The following CFH variants were observed in gnomAD, a reference collection of about 807,000 sequenced individuals.
CFH encodes the protein complement factor H.
A neutral mutation model predicts 147.3 loss-of-function variants in CFH; 53 were observed. The observed-to-expected ratio is 0.36, with a 90% CI of 0.29 to 0.45. The LOEUF is 0.45. Ranked by LOEUF, CFH falls within the 20% of genes least tolerant of loss-of-function variation. CFH has a pLI of 1.00. For synonymous variants in CFH, 536 were observed against 489.4 expected (o/e 1.10, Z -1.26); for missense variants, 1,380 against 1,498.0 (o/e 0.92, Z 1.30).
Position 196,743,745 on chromosome 1 carries a change from C to T in CFH, c.3310+117C>T, listed in dbSNP as rs464798. 1,114 of 1,405,838 alleles carry T rather than the reference C, an allele frequency of 7.9e-4. 6 individuals are homozygous for T. Among genetic ancestry groups the T allele is most frequent in the Middle Eastern group, 2.7e-3 (14 of 5,220 alleles). 87.1% of individuals were successfully genotyped at this position (1,405,838 alleles called of 1,614,324 possible). A position where few individuals can be genotyped will look rare whatever the true frequency, so the allele number is the denominator to read the frequency against. On this transcript the variant is annotated intron_variant, in intron 20 of 21. Coordinates refer to ENST00000367429, the MANE Select transcript of CFH (RefSeq NM_000186.4). ...GATTTTTCAAATGCAAATAAAATGA[C>T]TGATGGTGCTTAAAATTCAATTCTT... is the stretch of plus-strand genomic sequence containing the variant.
intron 9 of CFH, chr1:196,701,611 A>G (rs2149096496): frequency 2.2e-6 from 1 of 449,114 alleles, no homozygotes; most frequent in East Asian, 4.0e-5. Flanking sequence ...CAGCAGGCAT[A>G]CAAATCTGAC....
chr1:196,694,553 G>T (rs1668184912), intron 9 of CFH, among the ~76,000 whole-genome samples: 1 of 151,930 alleles, frequency 6.6e-6, no homozygotes, highest in African/African-American at 2.4e-5. Context: ...TGGTATCTCT[G>T]GTTCTTGATC....
Position 196,713,755 on chromosome 1 carries a change from A to T in CFH, c.1357A>T (p.Ile453Leu), listed in dbSNP as rs1450633243. The T allele has an allele frequency of 1.9e-6, 3 of 1,593,270 alleles. No individual in the cohort carries two copies. The African/African-American group carries it at 4.0e-5, about 21-fold the overall frequency. ...IRVKTCSKSS[I>L]DIENGFISES... is the part of the protein sequence containing the mutation. ...TTTAGAAACATGTTCCAAATCAAGT[A>T]TAGATATTGAGAATGGGTTTATTTC... is the stretch of plus-strand genomic sequence containing the variant. Residue 453 changes from isoleucine to leucine, a missense_variant, in exon 10 of 22, where the codon ATA becomes TTA. Physicochemically the swap from Ile to Leu is conservative, Grantham distance 5 (BLOSUM62 2). Transcript: ENST00000367429.
At chr1:196,689,135 G>A (rs1667936721) in intron 7 of CFH, among the ~76,000 whole-genome samples, 1 of 152,012 alleles carries the variant, frequency 6.6e-6, no homozygotes. Context: ...TGTATTTAAG[G>A]GAAATATATT....
chr1:196,696,220 C>A (rs1319905149), intron 9 of CFH, among the ~76,000 whole-genome samples: 2 of 152,036 alleles, frequency 1.3e-5, no homozygotes, highest in Non-Finnish European at 2.9e-5. Context: ...GTAAAACACT[C>A]CCCAGCAAAC....
intron 1 of CFH, among the ~76,000 whole-genome samples, chr1:196,661,619 G>C (rs919316481): frequency 1.3e-5 from 2 of 152,136 alleles, no homozygotes; most frequent in African/African-American, 4.8e-5. Context: ...CCACCTTCAC[G>C]ACCTAATCAC....
chr1:196,672,367 T>C lies in CFH; in HGVS notation c.59-611T>C, dbSNP rs1040827197. ...CACAACTTACCTTTGAACATACACA[T>C]GCACACACAATTTGTTGTTGTTCCA... On this transcript the variant is annotated intron_variant, in intron 1 of 21. Coordinates refer to ENST00000367429, the MANE Select transcript of CFH (RefSeq NM_000186.4). Among the ~76,000 whole-genome samples the C allele has an allele frequency of 4.6e-5, 7 of 152,336 alleles. No individual in the cohort carries two copies. In the East Asian group the frequency reaches 1.2e-3, roughly 25 times the overall value.
chr1:196,715,694 G>A lies in CFH; in HGVS notation c.1621G>A (p.Glu541Lys), dbSNP rs865963138. Residue 541 changes from glutamate (E) to lysine (K), a missense_variant, in exon 11 of 22, where the codon GAA (glutamate) becomes AAA (lysine). Coordinates refer to ENST00000367429, the MANE Select transcript of CFH (RefSeq NM_000186.4). ...GGACTATGAATGCCATGATGGTTAT[G>A]AAAGCAATACTGGAAGCACCACTGG... is the stretch of plus-strand genomic sequence containing the variant. Reference protein sequence around the residue: ...TLDYECHDGYESNTGSTTGSI... With the variant: ...TLDYECHDGYKSNTGSTTGSI... The A allele has an allele frequency of 6.2e-7, 1 of 1,612,924 alleles. No individual in the cohort carries two copies. The highest frequency in any genetic ancestry group is 1.3e-5 in the African/African-American group (1 of 74,968).
chr1:196,723,776 C>T (rs1573063223), intron 11 of CFH, among the ~76,000 whole-genome samples: 1 of 151,992 alleles, frequency 6.6e-6, no homozygotes, highest in East Asian at 1.9e-4. Context: ...TGGGGAGATA[C>T]CCGTAGCTTG....
In CFH at chr1:196,677,708, A is replaced by G. The variant is rs775300491; in HGVS notation, c.619+41A>G. On this transcript the variant is annotated intron_variant, in intron 5 of 21. Transcript: ENST00000367429. ...TGTTTTAGTATTTTTAGCTTTTTAA[A>G]TGTAAATATACATTTAAAACATCGT... 1.6e-5 allele frequency: 25 copies of G among 1,548,682 alleles called. No homozygotes were observed. The South Asian group carries it at 2.0e-4, about 12-fold the overall frequency.
intron 15 of CFH, among the ~76,000 whole-genome samples, chr1:196,730,923 A>G (rs1295631343): frequency 6.6e-6 from 1 of 151,700 alleles, no homozygotes; most frequent in African/African-American, 2.4e-5. Context: ...TTTTATTTTT[A>G]TAGGTTTTTT....
intron 1 of CFH, among the ~76,000 whole-genome samples, chr1:196,667,183 T>C (rs1316232056): frequency 6.6e-6 from 1 of 152,208 alleles, no homozygotes; most frequent in Non-Finnish European, 1.5e-5. Context: ...TGCTGGTAAA[T>C]GTAAAACAAC....
chr1:196,652,947 C>A (rs1370843203), intron 1 of CFH, among the ~76,000 whole-genome samples: 1 of 151,652 alleles, frequency 6.6e-6, no homozygotes, highest in Non-Finnish European at 1.5e-5. Context: ...GGTTTGCTTT[C>A]CTAGTTTTTG....
chr1:196,742,813 T>C (rs1365409801), intron 19 of CFH, among the ~76,000 whole-genome samples: 1 of 152,230 alleles, frequency 6.6e-6, no homozygotes, highest in Non-Finnish European at 1.5e-5. Context: ...TTTTGCATTG[T>C]TCAGCATAAT....
chr1:196,674,460 A>G (rs1667388284), intron 3 of CFH, among the ~76,000 whole-genome samples: 2 of 152,026 alleles, frequency 1.3e-5, no homozygotes, highest in African/African-American at 4.8e-5. Flanking sequence ...TAAAAATACT[A>G]CTCTTTCAGA....
intron 20 of CFH, among the ~76,000 whole-genome samples, chr1:196,745,591 A>C (rs918071453): frequency 1.4e-4 from 21 of 152,244 alleles, no homozygotes; most frequent in African/African-American, 4.1e-4. Context: ...TACCATAAGC[A>C]GCAATATTTG....
At chr1:196,738,015 T>A (rs1652638227) in intron 17 of CFH, among the ~76,000 whole-genome samples, 1 of 152,090 alleles carries the variant, frequency 6.6e-6, no homozygotes, top group Non-Finnish European at 1.5e-5. Flanking sequence ...TTAGGAAACT[T>A]ACAATCATGG....
intron 10 of CFH, among the ~76,000 whole-genome samples, chr1:196,714,577 T>A (rs1668800154): frequency 6.9e-6 from 1 of 144,612 alleles, no homozygotes. Context: ...GTCTTATTTT[T>A]TGCAAAACCA....
At chr1:196,714,721 G>GGAGAGAGAGAGAGA (rs1668826393) in intron 10 of CFH, among the ~76,000 whole-genome samples, 1 of 55,656 alleles carries the variant, frequency 1.8e-5, no homozygotes, top group Non-Finnish European at 3.7e-5. Context: ...AGAGAGAGAT[G>GGAGAGAGAGAGAGA]GAGTCTTGCT....
Sources: gnomAD v4.1 joint callset for allele counts (sites outside exome capture counted in the v4.1 genomes callset) on GRCh38, gnomAD v4.1.1 for gene constraint, MANE v1.5 for transcripts, NCBI Gene and HGNC (gene_info 2026-07-23, HGNC 2026-07-21) for gene names.